The following SPATA6L variants were observed in gnomAD, a reference collection of about 807,000 sequenced individuals.
SPATA6L encodes the protein spermatogenesis associated 6-like protein.
A neutral mutation model predicts 49.2 loss-of-function variants in SPATA6L; 68 were observed. That is an observed-to-expected ratio of 1.38 (90% CI 1.14 to 1.69). SPATA6L has a LOEUF of 1.69. Ranked by LOEUF, SPATA6L falls within the 40% of genes most tolerant of loss-of-function variation. SPATA6L has a pLI of 0.00. For synonymous variants in SPATA6L, 198 were observed against 165.7 expected (o/e 1.19, Z -1.50); for missense variants, 668 against 464.3 (o/e 1.44, Z -4.03).
rs1394168318 is a variant in SPATA6L, at chr9:4,598,335, T to C, written c.*2476A>G. 6.6e-6 allele frequency among the ~76,000 whole-genome samples: 1 copy of C among 152,258 alleles called. No homozygotes were observed. Among genetic ancestry groups the C allele is most frequent in the Non-Finnish European group, 1.5e-5 (1 of 68,050 alleles). ...TGGGAATTCTTTTTATGATGTTTAA[T>C]GACACAGATCTTCCCAAAGTAATCC... On this transcript the variant is annotated 3_prime_UTR_variant, in exon 12 of 12. Transcript: ENST00000682582.
At chr9:4,593,827 T>C (rs1256804748), downstream of SPATA6L, among the ~76,000 whole-genome samples, 2 of 152,176 alleles carry the variant, frequency 1.3e-5, no homozygotes, top group Non-Finnish European at 2.9e-5. Flanking sequence ...ACAACCTTTG[T>C]AACCTCCTCC....
intron 9 of SPATA6L, 111 bp downstream of exon 9, chr9:4,617,812 G>T: frequency 1.1e-5 from 9 of 823,006 alleles, no homozygotes; most frequent in Middle Eastern, 4.0e-4. Context: ...TCATATCAAG[G>T]TGTCACCAGC....
intron 2 of SPATA6L, among the ~76,000 whole-genome samples, chr9:4,661,257 T>C (rs1338292575): frequency 6.6e-6 from 1 of 152,194 alleles, no homozygotes; most frequent in Non-Finnish European, 1.5e-5. Flanking sequence ...TGATTCCATC[T>C]CCAAATTCCA....
chr9:4,600,842 G>C (rs570935774), intron 11 of SPATA6L, 33 bp from the exon 12 acceptor site: 2 of 152,192 alleles, frequency 1.3e-5, no homozygotes, highest in South Asian at 4.1e-4. Flanking sequence ...TTCTACATGT[G>C]GTATTGAGAA....
At chr9:4,618,728 C>T in intron 8 of SPATA6L, 136 bp downstream of exon 8, 1 of 823,352 alleles carries the variant, frequency 1.2e-6, no homozygotes, top group East Asian at 2.7e-5. Flanking sequence ...GGCACATCTT[C>T]ATACAAACAC....
In SPATA6L at chr9:4,662,417, C is replaced by A. The variant is rs776628224; in HGVS notation, c.40-381G>T. On this transcript the variant is annotated intron_variant, in intron 1 of 11. Transcript: ENST00000682582. This position sits in a 1 kb window ranked among gnomAD's most constrained non-coding sequence, Gnocchi z 4.9. ...GGAGCATGGAGGGACGGCCGCTGGGCGTCTCCGCTTCGAGCAGCAGCAGCA... is the reference window on the plus strand; with the variant it reads ...GGAGCATGGAGGGACGGCCGCTGGGAGTCTCCGCTTCGAGCAGCAGCAGCA... 43 of 1,537,570 alleles carry A rather than the reference C, an allele frequency of 2.8e-5. No homozygotes were observed. Among genetic ancestry groups the A allele is most frequent in the Non-Finnish European group, 3.6e-5 (41 of 1,150,162 alleles).
intron 3 of SPATA6L, among the ~76,000 whole-genome samples, chr9:4,644,634 G>A (rs1013306155): frequency 1.3e-5 from 2 of 151,108 alleles, no homozygotes; most frequent in African/African-American, 2.4e-5. Flanking sequence ...AGAGATCAGA[G>A]GAGAATTTTC....
intron 13 of SPATA6L, among the ~76,000 whole-genome samples, chr9:4,591,511 C>T (rs1004573030): frequency 2.0e-5 from 3 of 152,206 alleles, no homozygotes; most frequent in Admixed American, 6.5e-5. Flanking sequence ...CAATACCAGT[C>T]GGCGATAGAG....
At chr9:4,637,645 C>T (rs533505879) in intron 3 of SPATA6L, among the ~76,000 whole-genome samples, 29 of 152,248 alleles carry the variant, frequency 1.9e-4, no homozygotes, top group Admixed American at 5.2e-4. Context: ...ATATCACTAA[C>T]GGTAGACATT....
At chr9:4,652,784 T>C (rs1837217894) in intron 3 of SPATA6L, among the ~76,000 whole-genome samples, 1 of 140,108 alleles carries the variant, frequency 7.1e-6, no homozygotes, top group Non-Finnish European at 1.5e-5. Context: ...GAGGGTGCAG[T>C]GAGCAGAGAT....
In SPATA6L at chr9:4,604,321, G is replaced by A. The variant is rs761939892; in HGVS notation, c.1090-52C>T. ...ATGTTACCCATAACATAATAGAGAT[G>A]GATGATACCCAGATGTGTAGTTTTG... On this transcript the variant is annotated intron_variant, in intron 10 of 11. Coordinates refer to ENST00000682582, the MANE Select transcript of SPATA6L (RefSeq NM_001353486.2). 1.0e-4 allele frequency: 123 copies of A among 1,206,508 alleles called. 1 individual carries two copies. In the African/African-American group the frequency reaches 1.5e-3, roughly 15 times the overall value. The allele number at this position is 1,206,508 out of a possible 1,614,324, so 74.7% of individuals were successfully genotyped here.
intron 2 of SPATA6L, among the ~76,000 whole-genome samples, chr9:4,656,441 AAAGGAAGGAAGG>A (rs376151295): frequency 0.028 from 3,177 of 113,884 alleles, 57 homozygotes; most frequent in African/African-American, 0.065. Flanking sequence ...CCTGTGAAAG[AAAGGAAGGAAGG>A]AAGGAAGGAA....
chr9:4,594,600 A>G (rs184201730), downstream of SPATA6L, among the ~76,000 whole-genome samples: 1 of 152,272 alleles, frequency 6.6e-6, no homozygotes, highest in Non-Finnish European at 1.5e-5. Context: ...AAGAGGTTTG[A>G]GGTTGCAAGG....
intron 9 of SPATA6L, among the ~76,000 whole-genome samples, chr9:4,608,628 T>C (rs1207546907): frequency 1.4e-5 from 2 of 142,414 alleles, no homozygotes; most frequent in Non-Finnish European, 3.0e-5. Flanking sequence ...CCAGAATCTC[T>C]GGGATACATT....
intron 3 of SPATA6L, among the ~76,000 whole-genome samples, chr9:4,650,248 C>G (rs1836490067): frequency 6.6e-6 from 1 of 152,178 alleles, no homozygotes. Flanking sequence ...CCTCAGCTCA[C>G]TTGGTACTTG....
chr9:4,627,875 A>G (rs762722898), intron 5 of SPATA6L: 1 of 1,107,184 alleles, frequency 9.0e-7, no homozygotes, highest in Non-Finnish European at 1.2e-6. Context: ...CCATCAACAG[A>G]TGAATGGATA....
At chr9:4,616,095 G>C (rs1456444877) in intron 9 of SPATA6L, among the ~76,000 whole-genome samples, 2 of 152,082 alleles carry the variant, frequency 1.3e-5, no homozygotes, top group East Asian at 3.9e-4. Flanking sequence ...AACACAGTGA[G>C]ACCCCATCTT....
intron 10 of SPATA6L, among the ~76,000 whole-genome samples, 168 bp downstream of exon 10, chr9:4,605,179 C>T (rs1369934423): frequency 6.6e-6 from 1 of 152,172 alleles, no homozygotes; most frequent in African/African-American, 2.4e-5. Flanking sequence ...TGTCAAATAC[C>T]CGCTACCATT....
Position 4,604,829 on chromosome 9 carries a change from A to G in SPATA6L, c.1089+518T>C, listed in dbSNP as rs566716287. Reference sequence around the variant, plus strand: ...AACTGCCACTTAGCTGTGTATCTGAATCAGTGACAAAGTACTGGGAATACC... The same window carrying G: ...AACTGCCACTTAGCTGTGTATCTGAGTCAGTGACAAAGTACTGGGAATACC... On this transcript the variant is annotated intron_variant, in intron 10 of 11. Coordinates refer to ENST00000682582, the MANE Select transcript of SPATA6L (RefSeq NM_001353486.2). 9.7e-4 allele frequency among the ~76,000 whole-genome samples: 147 copies of G among 152,320 alleles called. 2 individuals are homozygous for G. Among genetic ancestry groups the G allele is most frequent in the African/African-American group, 3.4e-3 (143 of 41,576 alleles).
Sources: gnomAD v4.1 joint callset for allele counts (sites outside exome capture counted in the v4.1 genomes callset) on GRCh38, gnomAD v4.1.1 for gene constraint, Gnocchi (gnomAD v3.1) non-coding constraint, MANE v1.5 for transcripts, NCBI Gene and HGNC (gene_info 2026-07-23, HGNC 2026-07-21) for gene names.